PBX1: variants seen among roughly 807,000 people sequenced by gnomAD.
The protein encoded by PBX1 is pre-B-cell leukemia transcription factor 1.
PBX1 carries 6 observed loss-of-function variants against 53.4 expected under a neutral mutation model. The ratio of observed to expected loss-of-function variants is 0.11; its 90% CI spans 0.06 to 0.22. PBX1 has a LOEUF of 0.22. PBX1 is among the 10% of genes least tolerant of loss of function. The pLI, the probability that PBX1 is intolerant of heterozygous loss-of-function variation, is 1.00. For missense variants in PBX1, 251 were observed against 551.4 expected, an observed-to-expected ratio of 0.46 and a Z score of 5.46; for synonymous variants, 204 against 212.3, an observed-to-expected ratio of 0.96 and a Z score of 0.34.
At chr1:164,825,620 A>C (rs1670419844) in intron 8 of PBX1, among the ~76,000 whole-genome samples, 1 of 152,158 alleles carries the variant, frequency 6.6e-6, no homozygotes, top group Non-Finnish European at 1.5e-5. Context: ...TTTTGGAAAA[A>C]GTTTTTCAAA....
chr1:164,827,471 A>G (rs1255550864), intron 8 of PBX1, among the ~76,000 whole-genome samples: 1 of 152,176 alleles, frequency 6.6e-6, no homozygotes, highest in Non-Finnish European at 1.5e-5. Flanking sequence ...AGGGGTCTGA[A>G]TGTGGCAGAC....
intron 2 of PBX1, among the ~76,000 whole-genome samples, chr1:164,702,714 C>T (rs1040229593): frequency 2.8e-5 from 4 of 141,708 alleles, no homozygotes; most frequent in Admixed American, 1.4e-4. Context: ...ATGGAGAGGA[C>T]AGAGGGGGAA....
At chr1:164,798,838 G>C (rs1221011411) in intron 3 of PBX1, among the ~76,000 whole-genome samples, 1 of 152,206 alleles carries the variant, frequency 6.6e-6, no homozygotes, top group Non-Finnish European at 1.5e-5. Context: ...ATCTTCAGAA[G>C]GCCAGAACAG....
intron 2 of PBX1, among the ~76,000 whole-genome samples, chr1:164,755,183 G>A (rs187912588): frequency 2.6e-5 from 4 of 152,236 alleles, no homozygotes; most frequent in African/African-American, 7.2e-5. Flanking sequence ...ACACTTGTGG[G>A]TATTTTCACC....
At chr1:164,613,246 C>T (rs1198650929) in intron 2 of PBX1, among the ~76,000 whole-genome samples, 1 of 152,060 alleles carries the variant, frequency 6.6e-6, no homozygotes, top group African/African-American at 2.4e-5. Flanking sequence ...TGTTACCATC[C>T]CTGTAAGACA....
intron 2 of PBX1, among the ~76,000 whole-genome samples, chr1:164,677,102 TTA>T (rs149596624): frequency 0.84 from 115,961 of 137,904 alleles, 48,659 homozygotes; most frequent in East Asian, 0.95. Context: ...TTTTTTTTTT[TTA>T]AGACGGAGTC....
intron 2 of PBX1, chr1:164,700,420 TAAGAG>T: frequency 3.1e-6 from 3 of 982,892 alleles, no homozygotes; most frequent in Non-Finnish European, 3.6e-6. Flanking sequence ...ATTGGAGACT[TAAGAG>T]AAGTGCTTTG....
At chr1:164,734,500 A>G (rs971331669) in intron 2 of PBX1, among the ~76,000 whole-genome samples, 1 of 152,192 alleles carries the variant, frequency 6.6e-6, no homozygotes, top group Non-Finnish European at 1.5e-5. Flanking sequence ...TCTAACTCAT[A>G]AAGTTATGGA....
At chr1:164,789,413 T>C (rs1451970064) in intron 2 of PBX1, among the ~76,000 whole-genome samples, 1 of 152,226 alleles carries the variant, frequency 6.6e-6, no homozygotes, top group Non-Finnish European at 1.5e-5. Flanking sequence ...GATGTGTGCG[T>C]GATCACCTGT....
intron 2 of PBX1, among the ~76,000 whole-genome samples, chr1:164,652,649 G>A (rs1414859483): frequency 6.6e-6 from 1 of 152,076 alleles, no homozygotes; most frequent in Admixed American, 6.6e-5. Context: ...TTGTCAAGAG[G>A]TGGGAGGAAG....
chr1:164,801,124 G>A (rs1018418824), intron 4 of PBX1, among the ~76,000 whole-genome samples: 1 of 152,160 alleles, frequency 6.6e-6, no homozygotes, highest in Non-Finnish European at 1.5e-5. Context: ...CTAGCAAAAT[G>A]TAACTCTGGG....
chr1:164,784,719 A>C (rs1438200401), intron 2 of PBX1, among the ~76,000 whole-genome samples: 1 of 152,216 alleles, frequency 6.6e-6, no homozygotes, highest in Non-Finnish European at 1.5e-5. Flanking sequence ...TTTATTTGGA[A>C]AGTCAGCACG....
intron 2 of PBX1, among the ~76,000 whole-genome samples, chr1:164,706,802 G>A (rs1251372057): frequency 1.3e-5 from 2 of 152,206 alleles, no homozygotes. Context: ...GGGGAATCTT[G>A]CTGAAGTCTT....
chr1:164,810,868 A>T (rs1263382812), intron 5 of PBX1, among the ~76,000 whole-genome samples: 3 of 151,722 alleles, frequency 2.0e-5, no homozygotes, highest in Admixed American at 6.6e-5. Context: ...ATTTTTTTTT[A>T]AAAAAGAAAG....
intron 2 of PBX1, chr1:164,641,451 C>G (rs1659138992): frequency 6.5e-6 from 1 of 153,156 alleles, no homozygotes; most frequent in Non-Finnish European, 1.5e-5. Context: ...TGCCCTCCCC[C>G]TTAGCTAAGG....
intron 2 of PBX1, among the ~76,000 whole-genome samples, chr1:164,747,957 A>G (rs1665984134): frequency 6.6e-6 from 1 of 152,152 alleles, no homozygotes; most frequent in Non-Finnish European, 1.5e-5. Flanking sequence ...ATGAGTATGC[A>G]TCATAAGTAA....
At chr1:164,821,170 A>T (rs1439783104) in intron 7 of PBX1, among the ~76,000 whole-genome samples, 2 of 152,232 alleles carry the variant, frequency 1.3e-5, no homozygotes, top group African/African-American at 4.8e-5. Context: ...GCAAAGGAAC[A>T]GCTGTATAGG....
intron 2 of PBX1, among the ~76,000 whole-genome samples, chr1:164,858,188 G>T (rs888234928): frequency 6.6e-6 from 1 of 151,168 alleles, no homozygotes; most frequent in African/African-American, 2.4e-5. Flanking sequence ...CTCCTATTTT[G>T]TTTACAAAAA....
At chr1:164,568,265 T>C (rs1653576177) in intron 2 of PBX1, among the ~76,000 whole-genome samples, 1 of 152,174 alleles carries the variant, frequency 6.6e-6, no homozygotes, top group Non-Finnish European at 1.5e-5. Flanking sequence ...GTTTCAAATC[T>C]CTTTTAGATG....
Sources: allele counts gnomAD v4.1 joint callset (sites outside exome capture counted in the v4.1 genomes callset), GRCh38; gene constraint gnomAD v4.1.1; transcripts MANE v1.5; gene names NCBI Gene and HGNC (gene_info 2026-07-23, HGNC 2026-07-21).